Variants in PRORP observed in about 807,000 individuals in gnomAD.
PRORP encodes the protein mitochondrial ribonuclease P catalytic subunit.
PRORP carries 51 observed loss-of-function variants against 59.4 expected under a neutral mutation model. The observed-to-expected ratio is 0.86, with a 90% confidence interval of 0.69 to 1.08. The LOEUF is 1.08. PRORP is among the 50% of genes least tolerant of loss of function. The pLI, the probability that PRORP is intolerant of heterozygous loss-of-function variation, is 0.00. For missense variants in PRORP, 646 were observed against 690.3 expected (o/e 0.94, Z 0.72); for synonymous variants, 231 against 245.6 (o/e 0.94, Z 0.55).
chr14:35,246,859 T>C (rs1205137093), intron 5 of PRORP, among the ~76,000 whole-genome samples: 2 of 152,204 alleles, frequency 1.3e-5, no homozygotes, highest in African/African-American at 4.8e-5. Flanking sequence ...TTTTCTTTTT[T>C]GCTCTTTCTT....
At chr14:35,262,063 A>G (rs559307293) in intron 5 of PRORP, among the ~76,000 whole-genome samples, 1 of 152,346 alleles carries the variant, frequency 6.6e-6, no homozygotes, top group South Asian at 2.1e-4. Context: ...CTGAACCAGG[A>G]TATAGCTATG....
rs189677203 is a variant in PRORP at position 35,268,627 on chromosome 14, A to G, written c.1424+1752A>G. On this transcript the variant is annotated intron_variant, in intron 6 of 7. Transcript: ENST00000534898. ...ATTTATTTTATTGAGACGGAGTCTC[A>G]CTGGGTCACCCAGGCTGGAGTACAG... 1.1e-3 allele frequency among the ~76,000 whole-genome samples: 168 copies of G among 152,266 alleles called. 1 individual carries two copies. Among genetic ancestry groups the G allele is most frequent in the African/African-American group, 3.7e-3 (155 of 41,566 alleles).
At chr14:35,256,012 G>A (rs762270109) in intron 5 of PRORP, among the ~76,000 whole-genome samples, 22 of 151,834 alleles carry the variant, frequency 1.4e-4, no homozygotes, top group Admixed American at 1.2e-3. Context: ...CAGGCTGGGC[G>A]CAGTGGTTCA....
At position 35,123,633 on chromosome 14, in the gene PRORP, GA is replaced by G; in HGVS notation, c.389del (p.Asp130ValfsTer2). 2 of 1,614,140 alleles carry G rather than the reference GA, an allele frequency of 1.2e-6. No homozygotes were observed. The highest frequency in any genetic ancestry group is 4.5e-5 in the East Asian group (2 of 44,888). ...NSEEWDKLKEDLKENTGKTSF... is the reference protein window; with the variant it reads ...NSEEWDKLKEXLKENTGKTSF... ...AGAGGAGTGGGATAAACTTAAGGAAGATTTAAAAGAAAACACCGGAAAGACC... is the reference window on the plus strand; with the variant it reads ...AGAGGAGTGGGATAAACTTAAGGAAGTTTAAAAGAAAACACCGGAAAGACC... On this transcript the variant is annotated frameshift_variant, in exon 2 of 8. Transcript: ENST00000534898. LOFTEE classifies it high-confidence loss of function.
intron 5 of PRORP, among the ~76,000 whole-genome samples, chr14:35,260,044 C>T (rs1485513484): frequency 9.0e-6 from 1 of 111,604 alleles, no homozygotes; most frequent in Non-Finnish European, 1.7e-5. Context: ...TAGGGTTTCA[C>T]TCTGTTGCGC....
chr14:35,220,808 A>C (rs1008376311), intron 5 of PRORP, among the ~76,000 whole-genome samples: 7 of 152,162 alleles, frequency 4.6e-5, no homozygotes, highest in Admixed American at 2.6e-4. Context: ...GCAGTCTAGT[A>C]GGTATTAGAA....
intron 4 of PRORP, among the ~76,000 whole-genome samples, chr14:35,132,058 C>T (rs575614338): frequency 1.3e-5 from 2 of 149,768 alleles, no homozygotes; most frequent in East Asian, 2.1e-4. Flanking sequence ...AGGCTGGTCT[C>T]GAACTCCTGA....
chr14:35,182,363 G>A (rs748286070), intron 5 of PRORP, among the ~76,000 whole-genome samples: 6 of 151,936 alleles, frequency 3.9e-5, no homozygotes, highest in African/African-American at 1.5e-4. Context: ...AAGATGAACC[G>A]ACTGGGCACG....
Position 35,219,636 on chromosome 14 carries a change from G to A in PRORP, c.1275+38859G>A, listed in dbSNP as rs540264557. 2.8e-4 allele frequency among the ~76,000 whole-genome samples: 43 copies of A among 152,164 alleles called. 1 individual carries two copies. The highest frequency in any genetic ancestry group is 5.1e-4 in the Non-Finnish European group (35 of 68,022). ...GGTGCCTAATGGCACCCTACATGTTGGACACAGCTTCATGCATTGGTTAGA... is the reference window on the plus strand; with the variant it reads ...GGTGCCTAATGGCACCCTACATGTTAGACACAGCTTCATGCATTGGTTAGA... On this transcript the variant is annotated intron_variant, in intron 5 of 7. Transcript: ENST00000534898.
intron 4 of PRORP, among the ~76,000 whole-genome samples, chr14:35,171,958 TG>T (rs2048321315): frequency 6.6e-6 from 1 of 152,184 alleles, no homozygotes; most frequent in South Asian, 2.1e-4. Flanking sequence ...TTGTGCTTTT[TG>T]GTTCTGTAAT....
At chr14:35,213,243 G>A (rs907009822) in intron 5 of PRORP, among the ~76,000 whole-genome samples, 7 of 152,050 alleles carry the variant, frequency 4.6e-5, no homozygotes, top group Admixed American at 4.6e-4. Flanking sequence ...TATCGTTTGC[G>A]TGTTCACTGG....
intron 4 of PRORP, among the ~76,000 whole-genome samples, chr14:35,166,013 A>ATATT (rs1330156909): frequency 6.6e-6 from 1 of 151,830 alleles, no homozygotes; most frequent in African/African-American, 2.4e-5. Context: ...CGGGGAAGTT[A>ATATT]TATTTTTTTT....
intron 6 of PRORP, among the ~76,000 whole-genome samples, chr14:35,269,177 TG>T: frequency 6.6e-6 from 1 of 152,310 alleles, no homozygotes; most frequent in Admixed American, 6.5e-5. Context: ...GTAACTTTTA[TG>T]GGGTTGTTTT....
intron 5 of PRORP, among the ~76,000 whole-genome samples, chr14:35,218,459 TAAAAAAAGAAAAA>T (rs1408221136): frequency 4.5e-5 from 2 of 44,778 alleles, no homozygotes; most frequent in South Asian, 1.3e-3. Context: ...AGATCCTGTC[TAAAAAAAGAAAAA>T]AAAAAAAAAA....
At chr14:35,262,713 C>T in intron 5 of PRORP, 1 of 842,572 alleles carries the variant, frequency 1.2e-6, no homozygotes, top group East Asian at 2.4e-5. Flanking sequence ...GGGTGTTACA[C>T]TGGGCTTCCA....
rs139970473 is a variant in PRORP, at chr14:35,225,954, T to G, written c.1276-40773T>G. On this transcript the variant is annotated intron_variant, in intron 5 of 7. Coordinates refer to ENST00000534898, the MANE Select transcript of PRORP (RefSeq NM_014672.4). ...GCATAGCTCCTAAATCACTTGCCTC[T>G]AGCCTAACCAAAGCTGTAACTCTAA... Among the ~76,000 whole-genome samples the G allele has an allele frequency of 3.4e-3, 515 of 152,308 alleles. 2 individuals are homozygous for G. The highest frequency in any genetic ancestry group is 0.012 in the African/African-American group (493 of 41,572).
At chr14:35,202,850 T>C (rs1299813318) in intron 5 of PRORP, among the ~76,000 whole-genome samples, 2 of 152,200 alleles carry the variant, frequency 1.3e-5, no homozygotes, top group Non-Finnish European at 2.9e-5. Flanking sequence ...CCCAGGCTGG[T>C]CTTGAACTCC....
At chr14:35,228,079 G>T (rs1449573731) in intron 5 of PRORP, among the ~76,000 whole-genome samples, 1 of 152,086 alleles carries the variant, frequency 6.6e-6, no homozygotes, top group Non-Finnish European at 1.5e-5. Flanking sequence ...GGAAGTGGAG[G>T]TTGCAGTGAG....
intron 5 of PRORP, among the ~76,000 whole-genome samples, chr14:35,215,307 T>C (rs867463253): frequency 1.3e-5 from 2 of 152,312 alleles, no homozygotes; most frequent in Middle Eastern, 6.8e-3. Flanking sequence ...TGAAAGGAAC[T>C]GAACAATGGT....
Sources: gnomAD v4.1 joint callset for allele counts (sites outside exome capture counted in the v4.1 genomes callset) on GRCh38, gnomAD v4.1.1 for gene constraint, MANE v1.5 for transcripts, NCBI Gene and HGNC (gene_info 2026-07-23, HGNC 2026-07-21) for gene names.